CRAMP1: variants seen among roughly 807,000 people sequenced by gnomAD.
CRAMP1 encodes protein cramped-like.
Under a neutral mutation model 115.4 loss-of-function variants are expected in CRAMP1, and 50 were observed. The ratio of observed to expected loss-of-function variants is 0.43; its 90% CI spans 0.35 to 0.55. The LOEUF is 0.55. Among genes scored for constraint, CRAMP1 ranks in the 20% least tolerant of loss-of-function variants. The pLI is 0.01. For synonymous variants in CRAMP1, 866 were observed against 745.4 expected, an observed-to-expected ratio of 1.16 and a Z score of -2.64; for missense variants, 1,679 against 1,721.7, an observed-to-expected ratio of 0.98 and a Z score of 0.44.
intron 2 of CRAMP1, among the ~76,000 whole-genome samples, chr16:1,618,359 C>T (rs2036438726): frequency 6.6e-6 from 1 of 152,154 alleles, no homozygotes; most frequent in South Asian, 2.1e-4. Flanking sequence ...GTGTTTCTGC[C>T]ATGAAAAATG....
chr16:1,646,944 C>T (rs1042651599), intron 6 of CRAMP1: 16 of 666,996 alleles, frequency 2.4e-5, no homozygotes, highest in Non-Finnish European at 4.4e-5. Context: ...TGTCAAACAT[C>T]AGTTGACTGT....
rs562477293 is a variant in CRAMP1 at position 1,636,503 on chromosome 16, C to T, written c.695-1321C>T. Among the ~76,000 whole-genome samples, 5 of 152,316 alleles carry T rather than the reference C, an allele frequency of 3.3e-5. No homozygotes were observed. The South Asian group carries it at 1.0e-3, about 32-fold the overall frequency. On this transcript the variant is annotated intron_variant, in intron 4 of 20. Transcript: ENST00000397412. ...TGTCCGAGACCCATGGTCCAGAATC[C>T]TCCTCATATCTTGAAAGCCTGCTTC... is the stretch of plus-strand genomic sequence containing the variant.
chr16:1,627,297 C>T (rs746184988), intron 3 of CRAMP1, among the ~76,000 whole-genome samples: 17 of 152,114 alleles, frequency 1.1e-4, no homozygotes, highest in Non-Finnish European at 1.2e-4. Flanking sequence ...AGGCACACGC[C>T]GCCACACCCA....
chr16:1,614,679 G>C lies in CRAMP1; in HGVS notation c.40G>C (p.Gly14Arg), dbSNP rs2142164724. The C allele has an allele frequency of 7.6e-7, 1 of 1,311,420 alleles. No individual in the cohort carries two copies. The highest frequency in any genetic ancestry group is 3.2e-5 in the East Asian group (1 of 31,732). The allele number at this position is 1,311,420 out of a possible 1,614,324, so 81.2% of individuals were successfully genotyped here. ...KLGDGGSGED[G>R]LKKLGKRAAD... is the part of the protein sequence containing the mutation. The stretch of plus-strand genomic sequence containing the variant: ...GGGCGACGGCGGCAGCGGGGAGGAC[G>C]GGCTCAAGAAGCTGGGCAAGCGGGC... Residue 14 changes from glycine (G) to arginine (R), a missense_variant, in exon 2 of 21, where the codon GGG (glycine) becomes CGG (arginine). By Grantham distance (125) the Gly-to-Arg change is moderately radical. This residue lies in a region of CRAMP1 where 264 missense variants were observed against 229.7 expected (regional missense o/e 1.15). Coordinates refer to ENST00000397412, the MANE Select transcript of CRAMP1 (RefSeq NM_020825.4). This position sits in a 1 kb window ranked among gnomAD's most constrained non-coding sequence, Gnocchi z 4.4.
rs149151763 is a variant in CRAMP1, at chr16:1,660,229, C to A, written c.2413+166C>A. 3.8e-4 allele frequency among the ~76,000 whole-genome samples: 58 copies of A among 152,326 alleles called. 1 individual carries two copies. Among genetic ancestry groups the A allele is most frequent in the African/African-American group, 1.3e-3 (53 of 41,570 alleles). Reference sequence around the variant, plus strand: ...GGTGAAGGTGCAGAATCACTGCCTCCTCATGGGGAGGGTGATGCCAGGGCT... The same window carrying A: ...GGTGAAGGTGCAGAATCACTGCCTCATCATGGGGAGGGTGATGCCAGGGCT... On this transcript the variant is annotated intron_variant, in intron 11 of 20. Coordinates refer to ENST00000397412, the MANE Select transcript of CRAMP1 (RefSeq NM_020825.4).
intron 10 of CRAMP1, among the ~76,000 whole-genome samples, chr16:1,657,237 G>A (rs1348205673): frequency 6.6e-6 from 1 of 152,234 alleles, no homozygotes; most frequent in Non-Finnish European, 1.5e-5. Context: ...GGATCCTCGG[G>A]CACTTGATGA....
At chr16:1,620,333 G>A (rs933002155) in intron 2 of CRAMP1, among the ~76,000 whole-genome samples, 2 of 152,184 alleles carry the variant, frequency 1.3e-5, no homozygotes, top group African/African-American at 4.8e-5. Flanking sequence ...GACGTTTCCC[G>A]GTGCTGGGGT....
rs1257519449 is a variant in CRAMP1, at chr16:1,656,774, C to T, written c.2017C>T (p.Leu673Phe). 1.3e-6 allele frequency: 2 copies of T among 1,547,300 alleles called. No homozygotes were observed. The highest frequency in any genetic ancestry group is 2.0e-5 in the Admixed American group (1 of 50,870). ...EVPASRLAQQ[L>F]REEGWNLQTS... ...CCCCGCCAGCCGGCTGGCTCAGCAG[C>T]TCCGTGAGGAGGGCTGGAACCTGCA... The change falls in exon 10 of 21, where the codon CTC becomes TTC. Residue 673 changes from leucine to phenylalanine, a missense_variant. By Grantham distance (22) the Leu-to-Phe change is conservative. This residue lies in a region of CRAMP1 where 405 missense variants were observed against 302.6 expected (regional missense o/e 1.34). Transcript: ENST00000397412. The surrounding 1 kb of genome is among the most constrained non-coding windows in gnomAD (Gnocchi z 5.6).
At chr16:1,645,196 G>C (rs2142189240) in intron 6 of CRAMP1, among the ~76,000 whole-genome samples, 1 of 151,710 alleles carries the variant, frequency 6.6e-6, no homozygotes, top group East Asian at 1.9e-4. Context: ...ATTTTCTTTT[G>C]TTTTGTTTGA....
chr16:1,664,024 C>T (rs781655220), intron 13 of CRAMP1, among the ~76,000 whole-genome samples: 4 of 152,176 alleles, frequency 2.6e-5, no homozygotes, highest in Non-Finnish European at 4.4e-5. Context: ...TGAAAGCTCC[C>T]GCTACTAGGC....
At chr16:1,668,259 C>CCA in intron 18 of CRAMP1, 66 bp downstream of exon 18, 1 of 1,166,288 alleles carries the variant, frequency 8.6e-7, no homozygotes, top group Non-Finnish European at 1.3e-6. Context: ...CCAATGTTTG[C>CCA]CACACTTCCT....
Position 1,614,549 on chromosome 16 carries a change from C to G in CRAMP1, c.-1-90C>G. 1 of 780,026 alleles carries G rather than the reference C, an allele frequency of 1.3e-6. No homozygotes were observed. The allele number at this position is 780,026 out of a possible 1,614,324, so 48.3% of individuals were successfully genotyped here. A position where few individuals can be genotyped will look rare whatever the true frequency, so the allele number is the denominator to read the frequency against. On this transcript the variant is annotated intron_variant, in intron 1 of 20. Coordinates refer to ENST00000397412, the MANE Select transcript of CRAMP1 (RefSeq NM_020825.4). The surrounding 1 kb of genome is among the most constrained non-coding windows in gnomAD (Gnocchi z 4.4). ...CCGCCGAGAGGGGATTTGGAACAAA[C>G]AACGGCGGCCATGTTGAGAGCGCGT...
intron 4 of CRAMP1, among the ~76,000 whole-genome samples, chr16:1,633,452 G>T (rs972917149): frequency 6.6e-6 from 1 of 152,262 alleles, no homozygotes; most frequent in Non-Finnish European, 1.5e-5. Context: ...CTTGATTCGG[G>T]TCTGCCGCCG....
At chr16:1,647,362 A>G (rs996260247) in intron 6 of CRAMP1, among the ~76,000 whole-genome samples, 9 of 152,234 alleles carry the variant, frequency 5.9e-5, no homozygotes, top group Admixed American at 2.6e-4. Context: ...ATCCGAAACG[A>G]AAGCCAGGCT....
At chr16:1,649,201 C>G (rs2036702155) in intron 6 of CRAMP1, among the ~76,000 whole-genome samples, 1 of 152,136 alleles carries the variant, frequency 6.6e-6, no homozygotes, top group Admixed American at 6.5e-5. Context: ...CGTCTTGACT[C>G]TTTGGTCAGG....
At position 1,645,335 on chromosome 16, in the gene CRAMP1, C is replaced by A. The variant is rs9928630; in HGVS notation, c.827+4148C>A. ...CCGACTAGCTGGGATTACAGGCGCC[C>A]ACCACCACGCCCGGCTAATTTTTTA... is the stretch of plus-strand genomic sequence containing the variant. On this transcript the variant is annotated intron_variant, in intron 6 of 20. Transcript: ENST00000397412. 1,549 of 251,364 alleles carry A rather than the reference C, an allele frequency of 6.2e-3. 26 individuals carry two copies. The highest frequency in any genetic ancestry group is 0.033 in the African/African-American group (1,387 of 42,530). 15.6% of individuals were successfully genotyped at this position (251,364 alleles called of 1,614,324 possible).
chr16:1,626,245 C>G, intron 3 of CRAMP1, 79 bp downstream of exon 3: 1 of 1,318,546 alleles, frequency 7.6e-7, no homozygotes, highest in Non-Finnish European at 1.0e-6. Flanking sequence ...CGTGCTTCCT[C>G]TTTGCTGTTA....
chr16:1,623,062 A>G (rs377424233), intron 2 of CRAMP1, among the ~76,000 whole-genome samples: 1 of 151,862 alleles, frequency 6.6e-6, no homozygotes, highest in East Asian at 1.9e-4. Flanking sequence ...ACGCCCGGTT[A>G]ATTTTTGTAT....
At position 1,666,285 on chromosome 16, in the gene CRAMP1, C is replaced by T; in HGVS notation, c.2857+108C>T. On this transcript the variant is annotated intron_variant, in intron 15 of 20. Transcript: ENST00000397412. This position sits in a 1 kb window ranked among gnomAD's most constrained non-coding sequence, Gnocchi z 5.0. ...TCTCCAAATCATAATGTCTCATTACCCTTCACCAAGAACATCTAAGCCCTT... is the reference window on the plus strand; with the variant it reads ...TCTCCAAATCATAATGTCTCATTACTCTTCACCAAGAACATCTAAGCCCTT... 8.6e-7 allele frequency: 1 copy of T among 1,167,846 alleles called. No individual in the cohort carries two copies. The highest frequency in any genetic ancestry group is 1.2e-6 in the Non-Finnish European group (1 of 804,324). The allele number at this position is 1,167,846 out of a possible 1,614,324, so 72.3% of individuals were successfully genotyped here.
Sources: gnomAD v4.1 joint callset for allele counts (sites outside exome capture counted in the v4.1 genomes callset) on GRCh38, gnomAD v4.1.1 for gene constraint, gnomAD v4.1.1 regional missense constraint, Gnocchi (gnomAD v3.1) non-coding constraint, MANE v1.5 for transcripts, NCBI Gene and HGNC (gene_info 2026-07-23, HGNC 2026-07-21) for gene names.